The following CNTN5 variants were observed in gnomAD, a reference collection of about 807,000 sequenced individuals.
The protein encoded by CNTN5 is contactin-5.
In CNTN5, 77 loss-of-function variants were observed where a neutral mutation model predicts 129.1. The observed-to-expected ratio is 0.60, with a 90% confidence interval of 0.50 to 0.72. CNTN5 has a LOEUF of 0.72. Ranked by LOEUF, CNTN5 falls within the 30% of genes least tolerant of loss-of-function variation. The pLI, the probability that CNTN5 is intolerant of heterozygous loss-of-function variation, is 0.00. For missense variants in CNTN5, 1,478 were observed against 1,328.8 expected, an observed-to-expected ratio of 1.11 and a Z score of -1.75; for synonymous variants, 509 against 465.6, an observed-to-expected ratio of 1.09 and a Z score of -1.20.
intron 9 of CNTN5, among the ~76,000 whole-genome samples, chr11:100,042,028 T>C (rs1304582244): frequency 6.6e-6 from 1 of 152,160 alleles, no homozygotes; most frequent in Non-Finnish European, 1.5e-5. Flanking sequence ...TTCTAATCAT[T>C]TGGAGACTGC....
chr11:100,254,954 A>G (rs920590663), intron 16 of CNTN5, among the ~76,000 whole-genome samples: 4 of 152,218 alleles, frequency 2.6e-5, no homozygotes, highest in African/African-American at 9.6e-5. Flanking sequence ...ATTCAAAATC[A>G]CCACTAGAAA....
intron 2 of CNTN5, among the ~76,000 whole-genome samples, chr11:99,339,921 A>T (rs1294653866): frequency 6.6e-6 from 1 of 152,160 alleles, no homozygotes; most frequent in Non-Finnish European, 1.5e-5. Flanking sequence ...AGAAAAAAAA[A>T]ATACATCAGT....
intron 1 of CNTN5, among the ~76,000 whole-genome samples, chr11:99,077,842 C>T (rs969025749): frequency 1.3e-5 from 2 of 152,128 alleles, no homozygotes; most frequent in African/African-American, 4.8e-5. Flanking sequence ...CCTCCCCTTT[C>T]CCTTCCCCTG....
intron 4 of CNTN5, among the ~76,000 whole-genome samples, chr11:99,837,915 C>A (rs1004182111): frequency 4.6e-5 from 7 of 151,940 alleles, no homozygotes; most frequent in Non-Finnish European, 7.4e-5. Context: ...TCTCATTTTT[C>A]ATAATATTTT....
intron 1 of CNTN5, among the ~76,000 whole-genome samples, chr11:99,297,890 T>C (rs1469879534): frequency 6.6e-6 from 1 of 152,214 alleles, no homozygotes; most frequent in African/African-American, 2.4e-5. Context: ...AAGAGGTCTC[T>C]AACTGGATCC....
intron 2 of CNTN5, among the ~76,000 whole-genome samples, chr11:99,483,610 T>C (rs1339107916): frequency 1.3e-5 from 2 of 152,104 alleles, no homozygotes; most frequent in Non-Finnish European, 2.9e-5. Flanking sequence ...ATTATTATTT[T>C]AGTGAGACAG....
At chr11:99,946,710 G>T (rs1401852796) in intron 7 of CNTN5, among the ~76,000 whole-genome samples, 1 of 152,098 alleles carries the variant, frequency 6.6e-6, no homozygotes. Context: ...ATGAATGTTA[G>T]GTTCAAAACA....
At chr11:99,325,713 A>G (rs1364108632) in intron 2 of CNTN5, among the ~76,000 whole-genome samples, 2 of 152,196 alleles carry the variant, frequency 1.3e-5, no homozygotes. Flanking sequence ...TAAAAGTGAA[A>G]CACAGTAAAA....
chr11:99,195,140 A>G (rs1057276771), intron 1 of CNTN5, among the ~76,000 whole-genome samples: 1 of 152,142 alleles, frequency 6.6e-6, no homozygotes, highest in Non-Finnish European at 1.5e-5. Flanking sequence ...AATCTGAAGG[A>G]TTATATTTTA....
chr11:100,291,863 T>C (rs1342531332), intron 18 of CNTN5, among the ~76,000 whole-genome samples: 1 of 151,172 alleles, frequency 6.6e-6, no homozygotes, highest in Non-Finnish European at 1.5e-5. Flanking sequence ...CGCCAATAAA[T>C]AGCTGTAGAG....
intron 18 of CNTN5, among the ~76,000 whole-genome samples, chr11:100,286,036 C>A (rs181472734): frequency 2.3e-4 from 35 of 152,206 alleles, no homozygotes; most frequent in Non-Finnish European, 4.1e-4. Flanking sequence ...CCTAATACTG[C>A]GCTTTTCCGA....
At chr11:99,550,347 T>G (rs1245378438) in intron 2 of CNTN5, among the ~76,000 whole-genome samples, 3 of 152,204 alleles carry the variant, frequency 2.0e-5, no homozygotes, top group African/African-American at 7.2e-5. Context: ...CTGCTATAAC[T>G]TTGGCCACAT....
intron 1 of CNTN5, among the ~76,000 whole-genome samples, chr11:99,145,994 C>T (rs1021804742): frequency 2.0e-5 from 3 of 151,934 alleles, no homozygotes; most frequent in African/African-American, 7.3e-5. Context: ...TTTCTATTCT[C>T]ACATATAGTA....
Position 99,951,890 on chromosome 11 carries a change from G to A in CNTN5, c.674-4916G>A, listed in dbSNP as rs140377828. Among the ~76,000 whole-genome samples, 3 of 152,088 alleles carry A rather than the reference G, an allele frequency of 2.0e-5. No homozygotes were observed. The South Asian group carries it at 6.2e-4, about 32-fold the overall frequency. ...AATCCACTCTTGTTCTTAAAATTTA[G>A]GGAGGTTTGTATAAATAGATTATAG... On this transcript the variant is annotated intron_variant, in intron 7 of 24. Transcript: ENST00000524871.
intron 1 of CNTN5, among the ~76,000 whole-genome samples, chr11:99,155,533 C>T (rs1860292111): frequency 6.6e-6 from 1 of 152,040 alleles, no homozygotes; most frequent in African/African-American, 2.4e-5. Flanking sequence ...CTATTATTTG[C>T]ATTATAATTT....
At chr11:100,184,836 C>T (rs994936613) in intron 13 of CNTN5, among the ~76,000 whole-genome samples, 1 of 152,102 alleles carries the variant, frequency 6.6e-6, no homozygotes, top group African/African-American at 2.4e-5. Context: ...TACAGTATGG[C>T]TCTGTATCCC....
chr11:100,156,986 G>T (rs1043853625), intron 13 of CNTN5, among the ~76,000 whole-genome samples: 2 of 151,740 alleles, frequency 1.3e-5, no homozygotes, highest in Admixed American at 6.6e-5. Context: ...GTGTGTCTCT[G>T]TCTCCTTCAG....
chr11:100,074,820 A>G (rs183625362), intron 13 of CNTN5, among the ~76,000 whole-genome samples: 53 of 152,284 alleles, frequency 3.5e-4, no homozygotes, highest in Non-Finnish European at 6.2e-4. Flanking sequence ...AGGAATATTT[A>G]ATATGTAAAC....
At chr11:99,900,291 C>G (rs563089562) in intron 6 of CNTN5, among the ~76,000 whole-genome samples, 3 of 151,088 alleles carry the variant, frequency 2.0e-5, no homozygotes, top group Non-Finnish European at 4.4e-5. Context: ...TGAGATGCAC[C>G]ACTAGGTTTC....
Sources: gnomAD v4.1 joint callset for allele counts (sites outside exome capture counted in the v4.1 genomes callset) on GRCh38, gnomAD v4.1.1 for gene constraint, MANE v1.5 for transcripts, NCBI Gene and HGNC (gene_info 2026-07-23, HGNC 2026-07-21) for gene names.